Variants in GMDS observed in about 807,000 individuals in gnomAD.
The protein encoded by GMDS is GDP-mannose 4,6 dehydratase.
In GMDS, 20 loss-of-function variants were observed where a neutral mutation model predicts 49.9. That is an observed-to-expected ratio of 0.40 (90% CI 0.28 to 0.58). GMDS has a LOEUF of 0.58. Ranked by LOEUF, GMDS falls within the 20% of genes least tolerant of loss-of-function variation. GMDS has a pLI of 0.42. For synonymous variants in GMDS, 177 were observed against 178.6 expected, an observed-to-expected ratio of 0.99 and a Z score of 0.07; for missense variants, 362 against 481.4, an observed-to-expected ratio of 0.75 and a Z score of 2.32.
intron 7 of GMDS, among the ~76,000 whole-genome samples, chr6:1,809,242 C>T (rs2113675997): frequency 6.6e-6 from 1 of 152,232 alleles, no homozygotes; most frequent in Middle Eastern, 3.4e-3. Context: ...AATATAAAGG[C>T]AACTGAATAA....
At chr6:1,956,211 T>C (rs1763629675) in intron 6 of GMDS, among the ~76,000 whole-genome samples, 1 of 152,188 alleles carries the variant, frequency 6.6e-6, no homozygotes, top group African/African-American at 2.4e-5. Context: ...CAGCAAATGT[T>C]TTCTTAGAGG....
intron 9 of GMDS, among the ~76,000 whole-genome samples, chr6:1,683,018 CGCACGTGGGTGA>C (rs72259015): frequency 0.32 from 47,914 of 151,898 alleles, 8,181 homozygotes; most frequent in Middle Eastern, 0.46. Flanking sequence ...GGTAAAACCA[CGCACGTGGGTGA>C]GCACGTGGGA....
At chr6:2,001,672 T>C (rs1238761567) in intron 4 of GMDS, among the ~76,000 whole-genome samples, 1 of 152,156 alleles carries the variant, frequency 6.6e-6, no homozygotes, top group Non-Finnish European at 1.5e-5. Flanking sequence ...GAAAGTGCTG[T>C]ACTGGCATAA....
intron 7 of GMDS, among the ~76,000 whole-genome samples, chr6:1,774,930 A>C (rs1429856948): frequency 1.3e-5 from 2 of 152,224 alleles, no homozygotes; most frequent in Non-Finnish European, 2.9e-5. Flanking sequence ...AGGAATGTCC[A>C]TTCCAGGGGG....
At chr6:2,097,674 A>T (rs1773686927) in intron 4 of GMDS, among the ~76,000 whole-genome samples, 1 of 151,314 alleles carries the variant, frequency 6.6e-6, no homozygotes, top group Non-Finnish European at 1.5e-5. Flanking sequence ...AGCAAGGGAG[A>T]GGCCACGGGA....
chr6:2,114,183 T>C (rs1300709564), intron 4 of GMDS, among the ~76,000 whole-genome samples: 3 of 152,218 alleles, frequency 2.0e-5, no homozygotes, highest in Non-Finnish European at 2.9e-5. Context: ...TTCTGCATCT[T>C]TCATTACAAT....
chr6:1,829,841 C>T (rs1771279298), intron 7 of GMDS, among the ~76,000 whole-genome samples: 1 of 152,198 alleles, frequency 6.6e-6, no homozygotes, highest in Non-Finnish European at 1.5e-5. Flanking sequence ...ATATATGGTA[C>T]ATTTTAACTC....
At chr6:1,696,092 C>T (rs963988936) in intron 9 of GMDS, among the ~76,000 whole-genome samples, 1 of 151,992 alleles carries the variant, frequency 6.6e-6, no homozygotes, top group African/African-American at 2.4e-5. Context: ...GAGACAGAAA[C>T]AAAAACATGC....
At chr6:1,689,817 T>C (rs948128177) in intron 9 of GMDS, among the ~76,000 whole-genome samples, 1 of 152,208 alleles carries the variant, frequency 6.6e-6, no homozygotes, top group Non-Finnish European at 1.5e-5. Flanking sequence ...AGACGCGTGA[T>C]TTCCTTAGGT....
intron 7 of GMDS, among the ~76,000 whole-genome samples, chr6:1,903,627 CAATT>C (rs969389393): frequency 1.3e-5 from 2 of 152,214 alleles, no homozygotes; most frequent in African/African-American, 4.8e-5. Context: ...TTTGTCTCCT[CAATT>C]AAAGCACACC....
intron 6 of GMDS, among the ~76,000 whole-genome samples, chr6:1,937,000 C>T (rs1762586436): frequency 6.6e-6 from 1 of 151,910 alleles, no homozygotes; most frequent in Non-Finnish European, 1.5e-5. Context: ...AATAGAGCTG[C>T]CCAATACAGG....
intron 4 of GMDS, among the ~76,000 whole-genome samples, chr6:2,033,445 T>A (rs1311707922): frequency 6.6e-6 from 1 of 152,242 alleles, no homozygotes; most frequent in Non-Finnish European, 1.5e-5. Context: ...CTGAAAAAGT[T>A]GTATACTGAA....
At chr6:1,643,330 G>A (rs1763389075) in intron 9 of GMDS, among the ~76,000 whole-genome samples, 1 of 152,198 alleles carries the variant, frequency 6.6e-6, no homozygotes, top group African/African-American at 2.4e-5. Context: ...GTAAGGAAAT[G>A]CAATTTCCTT....
intron 9 of GMDS, among the ~76,000 whole-genome samples, chr6:1,693,908 A>G (rs1312720623): frequency 6.6e-6 from 1 of 152,222 alleles, no homozygotes; most frequent in East Asian, 1.9e-4. Flanking sequence ...AACAAATACT[A>G]TGAGTTTTAT....
chr6:1,859,140 G>A (rs1413634774), intron 7 of GMDS, among the ~76,000 whole-genome samples: 1 of 152,148 alleles, frequency 6.6e-6, no homozygotes, highest in Admixed American at 6.6e-5. Flanking sequence ...CTGTCTTGCA[G>A]CTCTTGCTGA....
chr6:1,971,580 A>G (rs2127323568), intron 4 of GMDS, among the ~76,000 whole-genome samples: 1 of 152,304 alleles, frequency 6.6e-6, no homozygotes, highest in Admixed American at 6.5e-5. Flanking sequence ...GGGCTCTCAC[A>G]GGGAATCAGA....
At chr6:2,131,122 G>A (rs1378489725) in intron 1 of GMDS, among the ~76,000 whole-genome samples, 4 of 152,100 alleles carry the variant, frequency 2.6e-5, no homozygotes, top group Non-Finnish European at 5.9e-5. Flanking sequence ...TATTGCAAAT[G>A]ATTATTGTAA....
At chr6:2,129,820 A>T (rs988154328) in intron 1 of GMDS, among the ~76,000 whole-genome samples, 1 of 152,256 alleles carries the variant, frequency 6.6e-6, no homozygotes, top group Non-Finnish European at 1.5e-5. Context: ...AAGAATACGG[A>T]GACAGAATAT....
chr6:2,154,457 T>A (rs1004530292), intron 1 of GMDS, among the ~76,000 whole-genome samples: 1 of 152,176 alleles, frequency 6.6e-6, no homozygotes, highest in Non-Finnish European at 1.5e-5. Context: ...AGTACTCATA[T>A]TCAAAATTAA....
Sources: allele counts gnomAD v4.1 joint callset (sites outside exome capture counted in the v4.1 genomes callset), GRCh38; gene constraint gnomAD v4.1.1; transcripts MANE v1.5; gene names NCBI Gene and HGNC (gene_info 2026-07-23, HGNC 2026-07-21).